The following LMBR1 variants were observed in gnomAD, a reference collection of about 807,000 sequenced individuals.
LMBR1 encodes the protein limb development membrane protein 1, also known as limb region 1 protein homolog.
In LMBR1, 52 loss-of-function variants were observed where a neutral mutation model predicts 73.9. The ratio of observed to expected loss-of-function variants is 0.70; its 90% CI spans 0.56 to 0.89. The LOEUF is 0.89. Among genes scored for constraint, LMBR1 ranks in the 40% least tolerant of loss-of-function variants. The pLI, the probability that LMBR1 is intolerant of heterozygous loss-of-function variation, is 0.00. For missense variants in LMBR1, 539 were observed against 579.8 expected (o/e 0.93, Z 0.72); for synonymous variants, 215 against 209.4 (o/e 1.03, Z -0.23).
intron 1 of LMBR1, among the ~76,000 whole-genome samples, chr7:156,880,052 C>T (rs192983977): frequency 6.8e-4 from 104 of 152,280 alleles, no homozygotes; most frequent in African/African-American, 2.4e-3. Context: ...CTTGCATACA[C>T]GTTTATAGCA....
chr7:156,693,943 C>T (rs1807752558), intron 15 of LMBR1, among the ~76,000 whole-genome samples: 3 of 152,288 alleles, frequency 2.0e-5, no homozygotes, highest in South Asian at 2.1e-4. Context: ...TAGGATCGTA[C>T]GCCCTAGCCA....
chr7:156,692,513 C>G (rs1807434083), intron 15 of LMBR1, among the ~76,000 whole-genome samples: 1 of 152,190 alleles, frequency 6.6e-6, no homozygotes, highest in South Asian at 2.1e-4. Flanking sequence ...ACTTTATAAA[C>G]TGAAATACTG....
chr7:156,782,910 T>C (rs765546823), intron 5 of LMBR1, among the ~76,000 whole-genome samples: 2 of 152,204 alleles, frequency 1.3e-5, no homozygotes, highest in Non-Finnish European at 2.9e-5. Flanking sequence ...TATGTGCTTA[T>C]TGGCCATTTG....
rs193249162 is a variant in LMBR1, at chr7:156,853,185, G to A, written c.67-16300C>T. On this transcript the variant is annotated intron_variant, in intron 1 of 16. Coordinates refer to ENST00000353442, the MANE Select transcript of LMBR1 (RefSeq NM_022458.4). ...GATCTCCTGACCTCATGATCTGCCC[G>A]CCTTGGCCTCCCAAAGTGCTGGAAT... Among the ~76,000 whole-genome samples the A allele has an allele frequency of 4.6e-3, 697 of 152,070 alleles. 1 individual carries two copies. Among genetic ancestry groups the A allele is most frequent in the African/African-American group, 0.015 (628 of 41,484 alleles).
intron 9 of LMBR1, among the ~76,000 whole-genome samples, chr7:156,745,759 G>C (rs1819729770): frequency 6.6e-6 from 1 of 152,214 alleles, no homozygotes; most frequent in African/African-American, 2.4e-5. Flanking sequence ...CATTCCCTTT[G>C]CAGCTCCTTG....
intron 1 of LMBR1, among the ~76,000 whole-genome samples, chr7:156,863,341 ATT>A (rs543539443): frequency 4.8e-5 from 7 of 146,194 alleles, no homozygotes; most frequent in South Asian, 2.1e-4. Flanking sequence ...GTCTTTTCAC[ATT>A]TTTTTTTTTT....
At chr7:156,782,201 G>C (rs1319533251) in intron 5 of LMBR1, among the ~76,000 whole-genome samples, 1 of 152,076 alleles carries the variant, frequency 6.6e-6, no homozygotes, top group Non-Finnish European at 1.5e-5. Context: ...TATCACGTGT[G>C]GTTTACTCAT....
At chr7:156,737,576 A>AAT (rs1173609484) in intron 9 of LMBR1, among the ~76,000 whole-genome samples, 1 of 152,122 alleles carries the variant, frequency 6.6e-6, no homozygotes, top group African/African-American at 2.4e-5. Flanking sequence ...TGGTTCTCTA[A>AAT]TATTCTTAAC....
intron 15 of LMBR1, among the ~76,000 whole-genome samples, chr7:156,695,689 G>A (rs757276003): frequency 1.1e-4 from 17 of 151,968 alleles, no homozygotes; most frequent in Non-Finnish European, 2.2e-4. Context: ...TCCAACACTG[G>A]GAATCACAAC....
intron 15 of LMBR1, among the ~76,000 whole-genome samples, chr7:156,720,825 A>C (rs1814397371): frequency 6.6e-6 from 1 of 152,036 alleles, no homozygotes. Context: ...TATATGACTT[A>C]TACTTCCATT....
intron 4 of LMBR1, among the ~76,000 whole-genome samples, chr7:156,814,251 A>G (rs1195480080): frequency 6.6e-6 from 1 of 152,212 alleles, no homozygotes; most frequent in East Asian, 1.9e-4. Flanking sequence ...TCTGGGTGAA[A>G]AAGGAACAAT....
chr7:156,856,536 C>T (rs1423602527), intron 1 of LMBR1, among the ~76,000 whole-genome samples: 1 of 151,958 alleles, frequency 6.6e-6, no homozygotes, highest in East Asian at 1.9e-4. Flanking sequence ...GCCAGGCCAA[C>T]ATCGAGAAAC....
At chr7:156,758,623 C>T (rs1223180796) in intron 8 of LMBR1, among the ~76,000 whole-genome samples, 1 of 152,138 alleles carries the variant, frequency 6.6e-6, no homozygotes, top group Non-Finnish European at 1.5e-5. Context: ...ACCTCTCTCT[C>T]GCCTGCTCCC....
intron 1 of LMBR1, among the ~76,000 whole-genome samples, chr7:156,856,644 T>A (rs903227558): frequency 6.6e-6 from 1 of 151,620 alleles, no homozygotes; most frequent in African/African-American, 2.4e-5. Context: ...ACTGCCTGAA[T>A]CTGAGAGGCA....
chr7:156,800,097 G>A (rs1335981882), intron 4 of LMBR1, among the ~76,000 whole-genome samples: 1 of 152,220 alleles, frequency 6.6e-6, no homozygotes, highest in Non-Finnish European at 1.5e-5. Context: ...TGGAGAAGCT[G>A]TAGCAAGTTC....
At chr7:156,804,587 T>C (rs1326969810) in intron 4 of LMBR1, among the ~76,000 whole-genome samples, 1 of 152,244 alleles carries the variant, frequency 6.6e-6, no homozygotes, top group Non-Finnish European at 1.5e-5. Flanking sequence ...TTAATTCCCA[T>C]TTATCTAATA....
chr7:156,738,793 C>G (rs1388495604), intron 9 of LMBR1, among the ~76,000 whole-genome samples: 1 of 152,070 alleles, frequency 6.6e-6, no homozygotes, highest in Non-Finnish European at 1.5e-5. Flanking sequence ...CTAAAGAGCC[C>G]TTGGGCCCCA....
intron 1 of LMBR1, among the ~76,000 whole-genome samples, chr7:156,868,766 G>C (rs1365974185): frequency 1.3e-5 from 2 of 151,950 alleles, no homozygotes; most frequent in African/African-American, 4.8e-5. Flanking sequence ...AGGAGTTCAA[G>C]ACCAGCCTGG....
rs190751780 is a variant in LMBR1, at chr7:156,707,678, C to T, written c.1225+16434G>A. 3.5e-3 allele frequency among the ~76,000 whole-genome samples: 530 copies of T among 152,210 alleles called. 1 individual carries two copies. Among genetic ancestry groups the T allele is most frequent in the African/African-American group, 0.012 (496 of 41,544 alleles). ...TGATAACTTCAGCATCCCTTCATGACGAAAGCCCTCCACAGATTAAGCATG... is the reference window on the plus strand; with the variant it reads ...TGATAACTTCAGCATCCCTTCATGATGAAAGCCCTCCACAGATTAAGCATG... On this transcript the variant is annotated intron_variant, in intron 15 of 16. Transcript: ENST00000353442.
Sources: gnomAD v4.1 joint callset for allele counts (sites outside exome capture counted in the v4.1 genomes callset) on GRCh38, gnomAD v4.1.1 for gene constraint, MANE v1.5 for transcripts, NCBI Gene and HGNC (gene_info 2026-07-23, HGNC 2026-07-21) for gene names.